Variants in HELZ2 observed in about 807,000 individuals in gnomAD.
HELZ2 encodes 3'-5' exoribonuclease HELZ2.
A neutral mutation model predicts 208.8 loss-of-function variants in HELZ2; 143 were observed. The observed-to-expected ratio is 0.68, with a 90% CI of 0.60 to 0.79. The LOEUF is 0.79. Ranked by LOEUF, HELZ2 falls within the 30% of genes least tolerant of loss-of-function variation. The pLI is 0.00. For synonymous variants in HELZ2, 1,705 were observed against 1,693.7 expected (o/e 1.01, Z -0.16); for missense variants, 3,690 against 3,794.5 (o/e 0.97, Z 0.72).
chr20:63,561,551 CTG>C (rs1357762057), intron 12 of HELZ2, 48 bp downstream of exon 13: 1 of 1,579,174 alleles, frequency 6.3e-7, no homozygotes, highest in East Asian at 2.2e-5. Context: ...ACAGGACTGT[CTG>C]GACAGCTCGG....
chr20:63,562,686 C>T (rs765636226), exon 8 of HELZ2: 40 of 1,598,720 alleles, frequency 2.5e-5, no homozygotes, highest in Non-Finnish European at 3.2e-5. Flanking sequence ...TGCGTCTGCC[C>T]GTGGGCCACC....
In HELZ2 at chr20:63,563,444, AGCCGCAGGCCCGGCCG is replaced by A; in HGVS notation, c.5362_5377del (p.Arg1788SerfsTer177). On this transcript the variant is annotated frameshift_variant, in exon 8 of 19. Transcript: ENST00000467148. LOFTEE classifies it high-confidence loss of function. ...TGAGTAGACACGGCGCCGCCACAGG[AGCCGCAGGCCCGGCCG>A]GCCTGCCAGGGCGTGGGGGTGCTCG... 6.5e-7 allele frequency: 1 copy of A among 1,529,230 alleles called. No individual in the cohort carries two copies. Among genetic ancestry groups the A allele is most frequent in the Non-Finnish European group, 8.7e-7 (1 of 1,143,014 alleles). The allele number at this position is 1,529,230 out of a possible 1,614,324, so 94.7% of individuals were successfully genotyped here.
Position 63,564,394 on chromosome 20 carries a change from C to T in HELZ2, c.4428G>A (p.Pro1476=), listed in dbSNP as rs369627586. The T allele has an allele frequency of 4.5e-6, 7 of 1,545,926 alleles. No homozygotes were observed. In the African/African-American group the frequency reaches 5.5e-5, roughly 12 times the overall value. The change falls in exon 8 of 19, where the codon CCG becomes CCA. Residue 1476 remains proline (P), a synonymous_variant. Coordinates refer to ENST00000467148, the Ensembl canonical transcript of HELZ2. Reference sequence around the variant, plus strand: ...AGGCGTCCACGGAGTCCAGGCGGGCCGGCAGCTCACGGCCGGCACCCGGGT... The same window carrying T: ...AGGCGTCCACGGAGTCCAGGCGGGCTGGCAGCTCACGGCCGGCACCCGGGT...
At chr20:63,558,438 G>A (rs1440217413), downstream of HELZ2, 1 of 152,404 alleles carries the variant, frequency 6.6e-6, no homozygotes, top group Non-Finnish European at 1.5e-5. Context: ...GCCCCTGAAG[G>A]ACACAGGCGG....
At position 63,559,372 on chromosome 20, in the gene HELZ2, T is replaced by C. The variant is rs749317851; in HGVS notation, c.7826-2A>G. 2 of 1,588,820 alleles carry C rather than the reference T, an allele frequency of 1.3e-6. No individual in the cohort carries two copies. Among genetic ancestry groups the C allele is most frequent in the Admixed American group, 1.7e-5 (1 of 58,718 alleles). The stretch of plus-strand genomic sequence containing the variant: ...AGCAGCGCAGAAGGAGGTGGTCTCC[T>C]GTGAGGGTGGGAGTCAGATGGGAGT... On this transcript the variant is annotated splice_acceptor_variant, in intron 18 of 18. Transcript: ENST00000467148. LOFTEE classifies it high-confidence loss of function.
exon 7 of HELZ2, chr20:63,566,399 C>G: frequency 6.5e-7 from 1 of 1,548,354 alleles, no homozygotes. Context: ...TCAAAACTGC[C>G]GACAGACACC....
At chr20:63,561,561 C>T (rs775083179) in intron 12 of HELZ2, 40 bp downstream of exon 13, 22 of 1,581,380 alleles carry the variant, frequency 1.4e-5, no homozygotes, top group South Asian at 4.7e-5. Flanking sequence ...CTGGACAGCT[C>T]GGCCCCACTC....
chr20:63,563,709 C>T, exon 8 of HELZ2: 1 of 1,589,742 alleles, frequency 6.3e-7, no homozygotes, highest in Non-Finnish European at 8.5e-7. Context: ...TGGCAGAGCC[C>T]ATCGATGTCC....
intron 5 of HELZ2, chr20:63,567,866 C>T (rs1175369369): frequency 1.3e-6 from 1 of 783,362 alleles, no homozygotes; most frequent in Non-Finnish European, 2.0e-6. Flanking sequence ...GACACCTGCA[C>T]CTCCCTGGTC....
chr20:63,565,153 C>G, exon 8 of HELZ2: 1 of 1,594,596 alleles, frequency 6.3e-7, no homozygotes, highest in Non-Finnish European at 8.5e-7. Flanking sequence ...AGATCTTGGT[C>G]ACGGAGCCAT....
intron 15 of HELZ2, 36 bp downstream of exon 16, chr20:63,560,759 T>C: frequency 6.2e-7 from 1 of 1,605,270 alleles, no homozygotes; most frequent in South Asian, 1.1e-5. Context: ...CCCCAGGGGC[T>C]GCAGGTGGGC....
chr20:63,572,074 C>A, intron 1 of HELZ2, 34 bp downstream of exon 2: 2 of 1,571,522 alleles, frequency 1.3e-6, no homozygotes, highest in East Asian at 2.3e-5. Context: ...TGGGCTCCTG[C>A]CCTACTCCAA....
In HELZ2 at chr20:63,567,200, G is replaced by C. The variant is rs200878475; in HGVS notation, c.2158C>G (p.Leu720Val). ...GTCTCCTGCTGGTAGCACAGGAAGA[G>C]GCGGTGCAGCAGCGTGTGCTCGGCC... The change falls in exon 6 of 19, where the codon CTC (leucine) becomes GTC (valine). Residue 720 changes from leucine (L) to valine (V), a missense_variant. Transcript: ENST00000467148. The C allele has an allele frequency of 3.3e-4, 523 of 1,607,990 alleles. 1 individual carries two copies. The highest frequency in any genetic ancestry group is 4.1e-4 in the Non-Finnish European group (480 of 1,179,932).
At chr20:63,570,442 C>T (rs762554959) in intron 3 of HELZ2, 62 bp downstream of exon 4, 12 of 1,384,078 alleles carry the variant, frequency 8.7e-6, no homozygotes, top group African/African-American at 7.1e-5. Context: ...GACGTCTGCC[C>T]GGGCTGAAGT....
exon 4 of HELZ2, chr20:63,569,170 C>T: frequency 6.5e-7 from 1 of 1,549,806 alleles, no homozygotes; most frequent in Non-Finnish European, 8.7e-7. Context: ...TGCTGCTGAG[C>T]CGCCTCCTCC....
rs778003470 is a variant in HELZ2 at position 63,562,893 on chromosome 20, G to A, written c.5929C>T (p.Arg1977Trp). The change falls in exon 8 of 19, where the codon CGG becomes TGG. Residue 1977 changes from arginine to tryptophan, a missense_variant. Arg to Trp is a moderately radical substitution (Grantham distance 101). Coordinates refer to ENST00000467148, the Ensembl canonical transcript of HELZ2. ...CCCTGCAGCTGCCCCTGCGGCGTCC[G>A]TGACGCCTCCCAGGAGACACTCAGG... The A allele has an allele frequency of 1.6e-5, 25 of 1,600,842 alleles. No individual in the cohort carries two copies. The Admixed American group carries it at 2.3e-4, about 15-fold the overall frequency.
exon 8 of HELZ2, chr20:63,563,103 G>A: frequency 6.3e-7 from 1 of 1,595,944 alleles, no homozygotes; most frequent in Non-Finnish European, 8.5e-7. Flanking sequence ...CTGAAGCCCG[G>A]TGCCACCGTC....
At chr20:63,564,355 C>T (rs753989155) in exon 8 of HELZ2, 50 of 1,566,174 alleles carry the variant, frequency 3.2e-5, no homozygotes, top group East Asian at 1.9e-4. Context: ...AGAAGTAGCA[C>T]GCGGCCACGA....
chr20:63,560,028 C>T (rs887301279), exon 18 of HELZ2: 7 of 1,611,804 alleles, frequency 4.3e-6, no homozygotes, highest in Non-Finnish European at 5.9e-6. Flanking sequence ...TCTTGGTGGG[C>T]CGCTGGTCCA....
Sources: gnomAD v4.1 joint callset for allele counts on GRCh38, gnomAD v4.1.1 for gene constraint, MANE v1.5 for transcripts, NCBI Gene and HGNC (gene_info 2026-07-23, HGNC 2026-07-21) for gene names.